The following EYS variants were observed in gnomAD, a reference collection of about 807,000 sequenced individuals.
EYS encodes the protein EGF-like photoreceptor maintenance factor.
Under a neutral mutation model 282.1 loss-of-function variants are expected in EYS, and 250 were observed. That is an observed-to-expected ratio of 0.89 (90% CI 0.80 to 0.98). The LOEUF (loss-of-function observed/expected upper bound fraction) is 0.98. EYS is among the 50% of genes least tolerant of loss of function. The probability of loss-of-function intolerance (pLI) is 0.00; values close to 1 mark genes in which losing one functional copy is unlikely to be tolerated. For synonymous variants in EYS, 1,355 were observed against 1,282.9 expected (o/e 1.06, Z -1.20); for missense variants, 4,016 against 3,709.0 (o/e 1.08, Z -2.15).
chr6:64,614,869 A>G (rs912828514), intron 24 of EYS, among the ~76,000 whole-genome samples: 15 of 152,170 alleles, frequency 9.9e-5, no homozygotes, highest in African/African-American at 3.6e-4. Context: ...TCACTCTCGT[A>G]CAATCATAAA....
At chr6:65,638,495 G>A (rs2149812169) in intron 2 of EYS, among the ~76,000 whole-genome samples, 1 of 152,314 alleles carries the variant, frequency 6.6e-6, no homozygotes, top group Non-Finnish European at 1.5e-5. Context: ...CCGAGCCAGG[G>A]CCGTGACACC....
intron 29 of EYS, among the ~76,000 whole-genome samples, chr6:64,309,768 C>A (rs1769602724): frequency 6.6e-6 from 1 of 151,906 alleles, no homozygotes; most frequent in African/African-American, 2.4e-5. Flanking sequence ...AGATCAAGAC[C>A]ATCCTGGCCA....
intron 35 of EYS, among the ~76,000 whole-genome samples, chr6:63,952,796 C>T (rs750741907): frequency 1.3e-5 from 2 of 152,030 alleles, no homozygotes; most frequent in Admixed American, 6.6e-5. Flanking sequence ...CTCTACTCCT[C>T]CTTGGGGACT....
chr6:64,678,414 C>A (rs1030386444), intron 22 of EYS, among the ~76,000 whole-genome samples: 24 of 151,996 alleles, frequency 1.6e-4, no homozygotes, highest in Admixed American at 1.6e-3. Flanking sequence ...CCCATCTCTA[C>A]TAAAAATACA....
chr6:65,460,160 G>A (rs1360482773), intron 5 of EYS, among the ~76,000 whole-genome samples: 3 of 150,078 alleles, frequency 2.0e-5, no homozygotes, highest in Non-Finnish European at 3.0e-5. Flanking sequence ...TAAAAGGAAA[G>A]AGGAAATTAT....
chr6:65,440,595 G>A (rs920092432), intron 5 of EYS, among the ~76,000 whole-genome samples: 1 of 151,240 alleles, frequency 6.6e-6, no homozygotes, highest in Non-Finnish European at 1.5e-5. Flanking sequence ...AGTAATTTTT[G>A]CTTGTCTTTA....
At chr6:65,110,765 G>T (rs1435321931) in intron 12 of EYS, among the ~76,000 whole-genome samples, 1 of 152,002 alleles carries the variant, frequency 6.6e-6, no homozygotes, top group Non-Finnish European at 1.5e-5. Flanking sequence ...GTGTCAAGAT[G>T]CATGATGCTA....
chr6:64,867,971 C>A (rs1162863958), intron 19 of EYS, among the ~76,000 whole-genome samples: 3 of 151,164 alleles, frequency 2.0e-5, no homozygotes, highest in Non-Finnish European at 4.4e-5. Context: ...AAATAAAAAG[C>A]CTGTGGATAA....
At chr6:65,108,059 T>C (rs145092910) in intron 12 of EYS, among the ~76,000 whole-genome samples, 235 of 152,208 alleles carry the variant, frequency 1.5e-3, no homozygotes, top group African/African-American at 4.9e-3. Flanking sequence ...GAAAATAGTA[T>C]TTTGCATTTA....
At chr6:63,999,905 A>G (rs1768000038) in intron 33 of EYS, among the ~76,000 whole-genome samples, 1 of 152,204 alleles carries the variant, frequency 6.6e-6, no homozygotes. Flanking sequence ...GAAAATTCAA[A>G]CAATATTACC....
At chr6:65,255,002 T>C (rs1384269544) in intron 12 of EYS, among the ~76,000 whole-genome samples, 1 of 151,846 alleles carries the variant, frequency 6.6e-6, no homozygotes, top group Non-Finnish European at 1.5e-5. Flanking sequence ...ATACCAGTGA[T>C]ATTTTTCACA....
At chr6:65,056,488 G>C (rs1319695952) in intron 13 of EYS, among the ~76,000 whole-genome samples, 1 of 151,828 alleles carries the variant, frequency 6.6e-6, no homozygotes, top group Non-Finnish European at 1.5e-5. Context: ...TCTACTCAGG[G>C]GACTAAGGGG....
At position 65,338,360 on chromosome 6, in the gene EYS, T is replaced by C. The variant is rs1019766886; in HGVS notation, c.1600-3214A>G. ...CATATAGAAACTTGAATCTGCCTTG[T>C]AAAGCAGAGGAAAGATTTCTCAACT... On this transcript the variant is annotated intron_variant, in intron 10 of 42. Coordinates refer to ENST00000503581, the MANE Select transcript of EYS (RefSeq NM_001142800.2). 1.0e-4 allele frequency among the ~76,000 whole-genome samples: 15 copies of C among 150,654 alleles called. No individual in the cohort carries two copies. In the South Asian group the frequency reaches 2.9e-3, roughly 29 times the overall value.
intron 35 of EYS, among the ~76,000 whole-genome samples, chr6:63,943,652 T>C (rs1190752384): frequency 6.6e-6 from 1 of 152,212 alleles, no homozygotes; most frequent in Non-Finnish European, 1.5e-5. Flanking sequence ...AATACATAGA[T>C]TTAAGGCAAT....
chr6:65,277,117 C>T (rs1335224558), intron 12 of EYS, among the ~76,000 whole-genome samples: 3 of 152,030 alleles, frequency 2.0e-5, no homozygotes, highest in Admixed American at 6.6e-5. Flanking sequence ...GGAGTCCTCA[C>T]GAATGGGATT....
At chr6:64,481,252 C>T (rs539384018) in intron 26 of EYS, among the ~76,000 whole-genome samples, 4 of 139,720 alleles carry the variant, frequency 2.9e-5, no homozygotes, top group Non-Finnish European at 4.6e-5. Context: ...ATATACATCT[C>T]TTATGTGTAT....
chr6:64,278,686 A>G (rs1165473809), intron 30 of EYS, among the ~76,000 whole-genome samples: 1 of 152,082 alleles, frequency 6.6e-6, no homozygotes, highest in African/African-American at 2.4e-5. Context: ...TAACATTGTT[A>G]GAAGGATTAG....
chr6:63,849,342 G>C (rs951979696), intron 36 of EYS, among the ~76,000 whole-genome samples: 1 of 152,148 alleles, frequency 6.6e-6, no homozygotes, highest in South Asian at 2.1e-4. Flanking sequence ...CTTTGCTAAG[G>C]GACAGACTAC....
intron 12 of EYS, among the ~76,000 whole-genome samples, chr6:65,201,736 C>T (rs1185356219): frequency 6.6e-6 from 1 of 152,042 alleles, no homozygotes; most frequent in Non-Finnish European, 1.5e-5. Context: ...GCAATAACAC[C>T]TATATGGTCC....
Sources: gnomAD v4.1 joint callset for allele counts (sites outside exome capture counted in the v4.1 genomes callset) on GRCh38, gnomAD v4.1.1 for gene constraint, MANE v1.5 for transcripts, NCBI Gene and HGNC (gene_info 2026-07-23, HGNC 2026-07-21) for gene names.